The following SNX6 variants were observed in gnomAD, a reference collection of about 807,000 sequenced individuals.
SNX6 encodes sorting nexin-6.
A neutral mutation model predicts 63.0 loss-of-function variants in SNX6; 34 were observed. That is an observed-to-expected ratio of 0.54 (90% confidence interval 0.41 to 0.72). The LOEUF is 0.72. SNX6 is among the 30% of genes least tolerant of loss of function. The pLI, the probability that SNX6 is intolerant of heterozygous loss-of-function variation, is 0.00. For synonymous variants in SNX6, 170 were observed against 164.2 expected, an observed-to-expected ratio of 1.04 and a Z score of -0.27; for missense variants, 398 against 471.4, an observed-to-expected ratio of 0.84 and a Z score of 1.44.
At chr14:34,615,826 A>C (rs912026055) in intron 2 of SNX6, among the ~76,000 whole-genome samples, 18 of 152,330 alleles carry the variant, frequency 1.2e-4, no homozygotes, top group African/African-American at 4.3e-4. Flanking sequence ...GTATAATGGA[A>C]AAGCCAGTCC....
chr14:34,628,945 TG>T (rs1039272912), intron 2 of SNX6, among the ~76,000 whole-genome samples: 1 of 149,340 alleles, frequency 6.7e-6, no homozygotes, highest in Admixed American at 6.7e-5. Flanking sequence ...GGGTGGAGAG[TG>T]GGGTGGGAGG....
intron 11 of SNX6, 44 bp downstream of exon 11, chr14:34,575,712 T>C (rs745604412): frequency 1.9e-6 from 2 of 1,044,458 alleles, no homozygotes; most frequent in African/African-American, 1.6e-5. Context: ...ACTCAAGAAA[T>C]GGCTGTTTGT....
At chr14:34,604,572 C>G (rs1882945538) in intron 5 of SNX6, among the ~76,000 whole-genome samples, 2 of 152,090 alleles carry the variant, frequency 1.3e-5, no homozygotes, top group African/African-American at 4.8e-5. Context: ...GAGGTGATAA[C>G]TAAGGAAAAT....
chr14:34,624,276 T>G (rs1883739902), intron 2 of SNX6, among the ~76,000 whole-genome samples: 1 of 152,014 alleles, frequency 6.6e-6, no homozygotes, highest in Non-Finnish European at 1.5e-5. Flanking sequence ...AATTTTTGTA[T>G]TTTTAGTAGA....
At chr14:34,569,646 A>T (rs1054390165) in intron 11 of SNX6, among the ~76,000 whole-genome samples, 1 of 152,130 alleles carries the variant, frequency 6.6e-6, no homozygotes, top group Admixed American at 6.6e-5. Flanking sequence ...CATTTCATAA[A>T]AATGGAATAG....
intron 5 of SNX6, chr14:34,604,341 G>A: frequency 8.8e-7 from 1 of 1,132,440 alleles, no homozygotes; most frequent in Non-Finnish European, 1.1e-6. Flanking sequence ...AATGTGCTCT[G>A]CTCATTTCCA....
chr14:34,594,461 C>T (rs1882522384), intron 7 of SNX6, among the ~76,000 whole-genome samples: 1 of 152,104 alleles, frequency 6.6e-6, no homozygotes, highest in African/African-American at 2.4e-5. Flanking sequence ...TCAAGCAATC[C>T]TCCTGATTCA....
At position 34,610,686 on chromosome 14, in the gene SNX6, A is replaced by C. The variant is rs1041563486; in HGVS notation, c.55-944T>G. Among the ~76,000 whole-genome samples, 38 of 152,162 alleles carry C rather than the reference A, an allele frequency of 2.5e-4. 1 individual carries two copies. The highest frequency in any genetic ancestry group is 7.2e-5 in the African/African-American group (3 of 41,448). On this transcript the variant is annotated intron_variant, in intron 2 of 13. Coordinates refer to ENST00000362031, the MANE Select transcript of SNX6 (RefSeq NM_152233.4). ...TGCTTCTACTTTCTCATCTATAAGA[A>C]GACTCTTCTACTTATTAATTTTTAA...
At chr14:34,605,775 C>G in intron 4 of SNX6, 58 bp from the exon 5 acceptor site, 1 of 1,562,360 alleles carries the variant, frequency 6.4e-7, no homozygotes. Flanking sequence ...AAGCATTGTA[C>G]TACTGCCACC....
intron 2 of SNX6, among the ~76,000 whole-genome samples, chr14:34,627,791 T>C (rs1490152821): frequency 4.6e-5 from 7 of 151,978 alleles, no homozygotes; most frequent in Non-Finnish European, 1.0e-4. Flanking sequence ...TGCCTGGTCT[T>C]AAAATTTTTA....
At chr14:34,583,238 G>A (rs1488675555) in intron 9 of SNX6, among the ~76,000 whole-genome samples, 1 of 152,134 alleles carries the variant, frequency 6.6e-6, no homozygotes, top group African/African-American at 2.4e-5. Context: ...GAACCCGGGA[G>A]GTGGAGCTTG....
At chr14:34,586,366 G>A in intron 8 of SNX6, 61 bp from the exon 9 acceptor site, 1 of 1,046,176 alleles carries the variant, frequency 9.6e-7, no homozygotes, top group South Asian at 1.3e-5. Context: ...TACTTACTGA[G>A]CAATTACCTC....
rs1422827381 is a variant in SNX6, at chr14:34,611,236, G to A, written c.55-1494C>T. 3.4e-5 allele frequency among the ~76,000 whole-genome samples: 5 copies of A among 147,510 alleles called. No individual in the cohort carries two copies. In the South Asian group the frequency reaches 7.3e-4, roughly 21 times the overall value. On this transcript the variant is annotated intron_variant, in intron 2 of 13. Coordinates refer to ENST00000362031, the MANE Select transcript of SNX6 (RefSeq NM_152233.4). ...TTGAACTCCTGACCTCAAGTGATCC[G>A]CCCACCTTGGCATTCGAATTGCTTG...
chr14:34,606,879 A>G (rs1883041988), intron 4 of SNX6, among the ~76,000 whole-genome samples: 1 of 152,104 alleles, frequency 6.6e-6, no homozygotes, highest in African/African-American at 2.4e-5. Context: ...CCCAGGTTCA[A>G]GCAATTCTGC....
intron 2 of SNX6, among the ~76,000 whole-genome samples, chr14:34,615,442 G>A (rs1010617691): frequency 4.6e-5 from 7 of 152,024 alleles, no homozygotes; most frequent in Non-Finnish European, 8.8e-5. Flanking sequence ...GGCTGTTCTC[G>A]ACCTCCTGGG....
At position 34,567,164 on chromosome 14, in the gene SNX6, C is replaced by T. The variant is rs552891164; in HGVS notation, c.1167+522G>A. On this transcript the variant is annotated intron_variant, in intron 13 of 13. Transcript: ENST00000362031. The stretch of plus-strand genomic sequence containing the variant: ...GCTTGAACCTGGGAAGCAGAGGTTG[C>T]GGAGGTCTCAAAACAAAACAAAACA... Among the ~76,000 whole-genome samples the T allele has an allele frequency of 7.3e-5, 11 of 151,546 alleles. 1 individual carries two copies. The highest frequency in any genetic ancestry group is 1.7e-4 in the African/African-American group (7 of 41,236).
intron 13 of SNX6, among the ~76,000 whole-genome samples, chr14:34,563,572 T>A (rs190541101): frequency 0.1 from 14,579 of 144,590 alleles, 1,797 homozygotes; most frequent in African/African-American, 0.3. Flanking sequence ...AAAAAAAAAA[T>A]AAGAAAAAAA....
chr14:34,604,037 A>G lies in SNX6; in HGVS notation c.393-566T>C, dbSNP rs975886076. ...AGTGAATCCCAGAGACCACAAAGTAATACATGTCAGTTTGGGGGAAAAAAA... is the reference window on the plus strand; with the variant it reads ...AGTGAATCCCAGAGACCACAAAGTAGTACATGTCAGTTTGGGGGAAAAAAA... On this transcript the variant is annotated intron_variant, in intron 5 of 13. Transcript: ENST00000362031. The G allele has an allele frequency of 6.4e-6, 6 of 938,104 alleles. No individual in the cohort carries two copies. The African/African-American group carries it at 1.1e-4, about 17-fold the overall frequency. The allele number at this position is 938,104 out of a possible 1,614,324, so 58.1% of individuals were successfully genotyped here.
intron 2 of SNX6, among the ~76,000 whole-genome samples, chr14:34,619,887 T>G (rs1883561483): frequency 6.6e-6 from 1 of 152,134 alleles, no homozygotes; most frequent in Non-Finnish European, 1.5e-5. Flanking sequence ...ATTTATTTAT[T>G]TTTTTATAGA....
Sources: allele counts gnomAD v4.1 joint callset (sites outside exome capture counted in the v4.1 genomes callset), GRCh38; gene constraint gnomAD v4.1.1; transcripts MANE v1.5; gene names NCBI Gene and HGNC (gene_info 2026-07-23, HGNC 2026-07-21).